Variants in SLC8A1 observed in about 807,000 individuals in gnomAD.
SLC8A1 encodes solute carrier family 8 member A1.
SLC8A1 carries 18 observed loss-of-function variants against 68.3 expected under a neutral mutation model. The observed-to-expected ratio is 0.26, with a 90% CI of 0.18 to 0.39. The LOEUF is 0.39. Among genes scored for constraint, SLC8A1 ranks in the 10% least tolerant of loss-of-function variants. SLC8A1 has a pLI of 1.00. For missense variants in SLC8A1, 985 were observed against 1,156.7 expected (o/e 0.85, Z 2.15); for synonymous variants, 475 against 415.5 (o/e 1.14, Z -1.74).
At chr2:40,481,773 C>A (rs896117749) in intron 1 of SLC8A1, among the ~76,000 whole-genome samples, 4 of 152,190 alleles carry the variant, frequency 2.6e-5, no homozygotes, top group African/African-American at 9.7e-5. Context: ...GCCAGTTCTT[C>A]ATGTCTCCAT....
intron 2 of SLC8A1, among the ~76,000 whole-genome samples, chr2:40,308,155 T>G (rs1213015435): frequency 1.3e-5 from 2 of 152,130 alleles, no homozygotes; most frequent in African/African-American, 4.8e-5. Flanking sequence ...ACCAAGTGCT[T>G]AGTGTGGCAT....
chr2:40,286,788 T>A (rs1258434108), intron 2 of SLC8A1, among the ~76,000 whole-genome samples: 2 of 152,206 alleles, frequency 1.3e-5, no homozygotes, highest in African/African-American at 2.4e-5. Context: ...ATGGAGCAAT[T>A]GATAATACCA....
chr2:40,346,469 A>C (rs574948362), intron 2 of SLC8A1, among the ~76,000 whole-genome samples: 2 of 152,268 alleles, frequency 1.3e-5, no homozygotes, highest in Non-Finnish European at 2.9e-5. Flanking sequence ...CAGTGTTGTG[A>C]CCAGCACTGC....
chr2:40,499,211 C>T (rs1371221811), intron 1 of SLC8A1, among the ~76,000 whole-genome samples: 1 of 152,014 alleles, frequency 6.6e-6, no homozygotes, highest in African/African-American at 2.4e-5. Context: ...CATCTCTGTG[C>T]TGCGTTTGCT....
At chr2:40,156,207 C>T (rs960829789) in intron 6 of SLC8A1, among the ~76,000 whole-genome samples, 7 of 152,164 alleles carry the variant, frequency 4.6e-5, no homozygotes, top group South Asian at 2.1e-4. Context: ...TAATGGCCAT[C>T]GACAGAGCTC....
intron 2 of SLC8A1, among the ~76,000 whole-genome samples, chr2:40,276,369 T>C (rs1466145107): frequency 6.6e-6 from 1 of 152,176 alleles, no homozygotes; most frequent in African/African-American, 2.4e-5. Flanking sequence ...AGCAGTGAGA[T>C]TGTTAGCATT....
chr2:40,346,747 G>C (rs1188478860), intron 2 of SLC8A1, among the ~76,000 whole-genome samples: 2 of 152,038 alleles, frequency 1.3e-5, no homozygotes, highest in Non-Finnish European at 2.9e-5. Flanking sequence ...CCTGTCTAAA[G>C]GCACCAAAAT....
At chr2:40,414,896 G>A (rs1041313325) in intron 2 of SLC8A1, among the ~76,000 whole-genome samples, 20 of 152,072 alleles carry the variant, frequency 1.3e-4, no homozygotes, top group African/African-American at 4.8e-4. Context: ...ATATTTATAA[G>A]ACAATAGGTA....
At chr2:40,490,723 C>G (rs764433777) in intron 1 of SLC8A1, among the ~76,000 whole-genome samples, 1 of 151,988 alleles carries the variant, frequency 6.6e-6, no homozygotes, top group Non-Finnish European at 1.5e-5. Flanking sequence ...AGACTTCTAA[C>G]GTCAACTTGG....
intron 1 of SLC8A1, among the ~76,000 whole-genome samples, chr2:40,486,079 TAGTG>T (rs1704949807): frequency 6.6e-6 from 1 of 152,154 alleles, no homozygotes; most frequent in African/African-American, 2.4e-5. Context: ...GTTCTCGTGA[TAGTG>T]AGTGAGTTCT....
At chr2:40,322,482 C>A (rs199821572) in intron 2 of SLC8A1, among the ~76,000 whole-genome samples, 1 of 138,294 alleles carries the variant, frequency 7.2e-6, no homozygotes, top group East Asian at 2.1e-4. Context: ...CATAGAGAGA[C>A]CTCATCTCTA....
intron 2 of SLC8A1, chr2:40,250,529 G>T (rs563775940): frequency 2.6e-5 from 4 of 152,154 alleles, no homozygotes; most frequent in African/African-American, 9.6e-5. Flanking sequence ...AGCGTGGGGG[G>T]GCGGTGTCAG....
chr2:40,271,870 A>G (rs961638320), intron 2 of SLC8A1, among the ~76,000 whole-genome samples: 3 of 151,706 alleles, frequency 2.0e-5, no homozygotes, highest in African/African-American at 7.3e-5. Flanking sequence ...TATTTTATTT[A>G]TTTATTTTTT....
Position 40,448,207 on chromosome 2 carries a change from G to A in SLC8A1, c.-25+3697C>T, listed in dbSNP as rs1448933073. 5.3e-5 allele frequency among the ~76,000 whole-genome samples: 8 copies of A among 152,122 alleles called. No individual in the cohort carries two copies. In the East Asian group the frequency reaches 9.6e-4, roughly 18 times the overall value. Reference sequence around the variant, plus strand: ...ATTAGGTCTTCAAAATATATATTGTGTAAAACGTATTTTGTAATGTATATG... The same window carrying A: ...ATTAGGTCTTCAAAATATATATTGTATAAAACGTATTTTGTAATGTATATG... On this transcript the variant is annotated intron_variant, in intron 1 of 7. Coordinates refer to ENST00000406785, the Ensembl canonical transcript of SLC8A1.
chr2:40,108,763 A>C lies in SLC8A1; in HGVS notation c.*6490T>G, dbSNP rs191524976. On this transcript the variant is annotated 3_prime_UTR_variant, in exon 8 of 8. Coordinates refer to ENST00000406785, the Ensembl canonical transcript of SLC8A1. ...TCAAAAAGTGGTTACATAGTTGGTT[A>C]CTTAATTGGACTGTTCTTTCCATTT... The C allele has an allele frequency of 3.4e-3, 514 of 152,270 alleles. 6 individuals are homozygous for C. Among genetic ancestry groups the C allele is most frequent in the African/African-American group, 0.012 (491 of 41,574 alleles). 9.4% of individuals were successfully genotyped at this position (152,270 alleles called of 1,614,324 possible). A position where few individuals can be genotyped will look rare whatever the true frequency, so the allele number is the denominator to read the frequency against.
intron 4 of SLC8A1, among the ~76,000 whole-genome samples, chr2:40,168,889 T>TTTTTTTTTTTTTTTTTTTTTTTTTTTTTG (rs2046992663): frequency 6.6e-6 from 1 of 152,216 alleles, no homozygotes; most frequent in African/African-American, 2.4e-5. Context: ...ATCATAGTCT[T>TTTTTTTTTTTTTTTTTTTTTTTTTTTTTG]AACCAATCCA....
chr2:40,191,444 G>C (rs1339946003), intron 2 of SLC8A1, among the ~76,000 whole-genome samples: 1 of 152,176 alleles, frequency 6.6e-6, no homozygotes, highest in African/African-American at 2.4e-5. Context: ...GCTATTTACT[G>C]GTACTTGCAA....
intron 1 of SLC8A1, among the ~76,000 whole-genome samples, chr2:40,470,890 A>T (rs1703954169): frequency 6.6e-6 from 1 of 152,184 alleles, no homozygotes; most frequent in Non-Finnish European, 1.5e-5. Context: ...TTCAATGTGG[A>T]AATAAAAAAA....
At chr2:40,257,363 G>A (rs942536048) in intron 2 of SLC8A1, among the ~76,000 whole-genome samples, 3 of 147,020 alleles carry the variant, frequency 2.0e-5, no homozygotes, top group Non-Finnish European at 4.5e-5. Flanking sequence ...GGAAACCGAA[G>A]ACATGATAAT....
Sources: allele counts gnomAD v4.1 joint callset (sites outside exome capture counted in the v4.1 genomes callset), GRCh38; gene constraint gnomAD v4.1.1; transcripts MANE v1.5; gene names NCBI Gene and HGNC (gene_info 2026-07-23, HGNC 2026-07-21).